Variants in HSPA12A observed in about 807,000 individuals in gnomAD.
HSPA12A encodes the protein heat shock 70 kDa protein 12A.
Under a neutral mutation model 69.2 loss-of-function variants are expected in HSPA12A, and 28 were observed. The observed-to-expected ratio is 0.40, with a 90% CI of 0.30 to 0.55. HSPA12A has a LOEUF of 0.55. HSPA12A is among the 20% of genes least tolerant of loss of function. The probability of loss-of-function intolerance (pLI) is 0.38; values close to 1 mark genes in which losing one functional copy is unlikely to be tolerated. For synonymous variants in HSPA12A, 345 were observed against 370.5 expected (o/e 0.93, Z 0.79); for missense variants, 686 against 900.7 (o/e 0.76, Z 3.05).
intron 1 of HSPA12A, among the ~76,000 whole-genome samples, chr10:116,842,695 C>T (rs181432464): frequency 1.3e-5 from 2 of 152,108 alleles, no homozygotes; most frequent in African/African-American, 4.8e-5. Flanking sequence ...CTCTGCCTCC[C>T]GGGTTCAAGC....
chr10:116,820,842 T>C (rs1845399188), intron 2 of HSPA12A, among the ~76,000 whole-genome samples: 2 of 152,002 alleles, frequency 1.3e-5, no homozygotes, highest in Non-Finnish European at 2.9e-5. Context: ...AAACACCTGA[T>C]CTCCAAATCA....
chr10:116,791,719 G>T (rs1433847086), intron 2 of HSPA12A, among the ~76,000 whole-genome samples: 1 of 152,044 alleles, frequency 6.6e-6, no homozygotes, highest in Non-Finnish European at 1.5e-5. Flanking sequence ...CAACTAAATT[G>T]TTGAGAAAAG....
chr10:116,796,448 C>T (rs1589711911), intron 2 of HSPA12A, among the ~76,000 whole-genome samples: 1 of 152,084 alleles, frequency 6.6e-6, no homozygotes, highest in African/African-American at 2.4e-5. Flanking sequence ...CTGTCCTGCC[C>T]TGTGGGTCTT....
At chr10:116,681,677 A>G (rs1849405911) in intron 8 of HSPA12A, 114 bp downstream of exon 8, 1 of 857,630 alleles carries the variant, frequency 1.2e-6, no homozygotes. Flanking sequence ...AGTGGTCTTT[A>G]GAACCCACTG....
At chr10:116,705,412 G>T (rs1850213202) in intron 2 of HSPA12A, 134 bp from the exon 3 acceptor site, 2 of 1,092,368 alleles carry the variant, frequency 1.8e-6, no homozygotes, top group African/African-American at 1.5e-5. Context: ...TCCAGCTCAA[G>T]TCTACCACCT....
Position 116,686,260 on chromosome 10 carries a change from G to A in HSPA12A, c.664-2298C>T, listed in dbSNP as rs1045936813. 1.3e-5 allele frequency among the ~76,000 whole-genome samples: 2 copies of A among 152,122 alleles called. No individual in the cohort carries two copies. The highest frequency in any genetic ancestry group is 2.1e-4 in the South Asian group (1 of 4,830). On this transcript the variant is annotated intron_variant, in intron 6 of 11. Transcript: ENST00000369209. This position sits in a 1 kb window ranked among gnomAD's most constrained non-coding sequence, Gnocchi z 4.1. The stretch of plus-strand genomic sequence containing the variant: ...CTCTGAGCCTGGATCCCAAGGGGTC[G>A]GGAGGAAGAAATCCCAAATAAGACC...
At chr10:116,847,243 C>T (rs528577488) in intron 1 of HSPA12A, among the ~76,000 whole-genome samples, 1 of 152,316 alleles carries the variant, frequency 6.6e-6, no homozygotes, top group African/African-American at 2.4e-5. Context: ...AACTCCACCA[C>T]ATCCAACCAC....
intron 2 of HSPA12A, among the ~76,000 whole-genome samples, chr10:116,824,698 GA>G (rs1295949665): frequency 1.3e-5 from 2 of 152,200 alleles, no homozygotes; most frequent in East Asian, 1.9e-4. Flanking sequence ...GCAGTCGCAT[GA>G]TCTCGGCTCA....
intron 2 of HSPA12A, among the ~76,000 whole-genome samples, chr10:116,827,337 C>T (rs1250948158): frequency 6.6e-6 from 1 of 152,234 alleles, no homozygotes; most frequent in Non-Finnish European, 1.5e-5. Flanking sequence ...CTCCCGTGTC[C>T]AGGCTTCTGT....
At chr10:116,772,999 G>T (rs943535906) in intron 2 of HSPA12A, among the ~76,000 whole-genome samples, 2 of 152,172 alleles carry the variant, frequency 1.3e-5, no homozygotes, top group African/African-American at 2.4e-5. Flanking sequence ...CACTGCACCT[G>T]GCCACCTGTG....
chr10:116,775,568 C>T (rs1844316587), intron 2 of HSPA12A, among the ~76,000 whole-genome samples: 1 of 152,166 alleles, frequency 6.6e-6, no homozygotes, highest in South Asian at 2.1e-4. Context: ...ACTTTCAGGG[C>T]ACCCGATGAG....
Position 116,698,753 on chromosome 10 carries a change from G to C in HSPA12A, c.442-14C>G, listed in dbSNP as rs1439552145. On this transcript the variant is annotated splice_polypyrimidine_tract_variant and intron_variant, in intron 4 of 11. Transcript: ENST00000369209. ...CATGGTGAGGTCCTGGTAGGAGGAA[G>C]AGGAACAATAGTAAGAAGATGACAC... 6.3e-7 allele frequency: 1 copy of C among 1,594,042 alleles called. No individual in the cohort carries two copies. The highest frequency in any genetic ancestry group is 8.6e-7 in the Non-Finnish European group (1 of 1,162,118).
chr10:116,800,355 AGGGGGT>A (rs57161236), intron 2 of HSPA12A, among the ~76,000 whole-genome samples: 46,661 of 151,640 alleles, frequency 0.31, 8,133 homozygotes, highest in Non-Finnish European at 0.4. Context: ...AGGCTTGGTG[AGGGGGT>A]GGGGGTGCCA....
At chr10:116,845,973 T>C (rs1487855114) in intron 1 of HSPA12A, among the ~76,000 whole-genome samples, 1 of 152,226 alleles carries the variant, frequency 6.6e-6, no homozygotes, top group Non-Finnish European at 1.5e-5. Context: ...ATTTATGATT[T>C]CACTTTCTCT....
At position 116,674,579 on chromosome 10, in the gene HSPA12A, CCTTAAT is replaced by C. The variant is rs376947522; in HGVS notation, c.*196_*201del. The C allele has an allele frequency of 4.9e-6, 3 of 615,592 alleles. No homozygotes were observed. The highest frequency in any genetic ancestry group is 8.4e-6 in the Non-Finnish European group (3 of 355,450). 38.1% of individuals were successfully genotyped at this position (615,592 alleles called of 1,614,324 possible). A position where few individuals can be genotyped will look rare whatever the true frequency, so the allele number is the denominator to read the frequency against. On this transcript the variant is annotated 3_prime_UTR_variant, in exon 12 of 12. Coordinates refer to ENST00000369209, the MANE Select transcript of HSPA12A (RefSeq NM_025015.3). ...GATCCTTTAATTTTCTATGCCTAAA[CCTTAAT>C]CTTAATTTCTGTTTTTCTGACTCCA...
rs781833516 is a variant in HSPA12A at position 116,683,867 on chromosome 10, C to G, written c.759G>C (p.Gln253His). ...CTGCCTTGCTGCTCAGCTCAATCAT[C>G]TGGTGTAGCCGCAGCTTTCGGCAGT... is the stretch of plus-strand genomic sequence containing the variant. ...SIYCRKLRLH[Q>H]MIELSSKAAV... is the part of the protein sequence containing the mutation. Residue 253 changes from glutamine to histidine, a missense_variant, in exon 7 of 12, where the codon CAG becomes CAC. By Grantham distance (24) the Gln-to-His change is conservative. Coordinates refer to ENST00000369209, the MANE Select transcript of HSPA12A (RefSeq NM_025015.3). The G allele has an allele frequency of 6.2e-7, 1 of 1,600,978 alleles. No homozygotes were observed. The highest frequency in any genetic ancestry group is 1.7e-5 in the Admixed American group (1 of 59,864).
At chr10:116,722,487 G>C (rs1218512404) in intron 1 of HSPA12A, among the ~76,000 whole-genome samples, 1 of 152,150 alleles carries the variant, frequency 6.6e-6, no homozygotes, top group East Asian at 1.9e-4. Flanking sequence ...AGGACATTCT[G>C]GGTTAATGAA....
At chr10:116,713,747 G>T (rs1477023925) in intron 1 of HSPA12A, among the ~76,000 whole-genome samples, 1 of 152,118 alleles carries the variant, frequency 6.6e-6, no homozygotes, top group African/African-American at 2.4e-5. Flanking sequence ...TGCTGGGAGA[G>T]GTGAAGACAC....
intron 2 of HSPA12A, among the ~76,000 whole-genome samples, chr10:116,800,638 C>T (rs1844936492): frequency 6.6e-6 from 1 of 152,200 alleles, no homozygotes; most frequent in Non-Finnish European, 1.5e-5. Flanking sequence ...ATCCCTTGCA[C>T]TCCATCTCCG....
Sources: gnomAD v4.1 joint callset for allele counts (sites outside exome capture counted in the v4.1 genomes callset) on GRCh38, gnomAD v4.1.1 for gene constraint, Gnocchi (gnomAD v3.1) non-coding constraint, MANE v1.5 for transcripts, NCBI Gene and HGNC (gene_info 2026-07-23, HGNC 2026-07-21) for gene names.